The following DDX60L variants were observed in gnomAD, a reference collection of about 807,000 sequenced individuals.
DDX60L encodes DExD/H-box 60 like.
In DDX60L, 191 loss-of-function variants were observed where a neutral mutation model predicts 211.6. The ratio of observed to expected loss-of-function variants is 0.90; its 90% CI spans 0.80 to 1.02. The LOEUF (loss-of-function observed/expected upper bound fraction) is 1.02. Among genes scored for constraint, DDX60L ranks in the 50% least tolerant of loss-of-function variants. The pLI, the probability that DDX60L is intolerant of heterozygous loss-of-function variation, is 0.00. For synonymous variants in DDX60L, 706 were observed against 694.1 expected, an observed-to-expected ratio of 1.02 and a Z score of -0.27; for missense variants, 2,007 against 1,984.1, an observed-to-expected ratio of 1.01 and a Z score of -0.22.
intron 4 of DDX60L, chr4:168,469,862 A>C (rs1758511271): frequency 6.6e-6 from 1 of 152,210 alleles, no homozygotes. Context: ...TACGTGACAG[A>C]GCGAGACTCT....
At position 168,436,291 on chromosome 4, in the gene DDX60L, G is replaced by A. The variant is rs114338826; in HGVS notation, c.1295-3176C>T. Among the ~76,000 whole-genome samples the A allele has an allele frequency of 5.8e-3, 876 of 152,290 alleles. 13 individuals carry two copies. The highest frequency in any genetic ancestry group is 0.02 in the African/African-American group (824 of 41,560). ...TCTTACTGGAATAGACAGTTACTCT[G>A]GATATAGTTACCTTCCCTGCATGCA... On this transcript the variant is annotated intron_variant, in intron 10 of 37. Transcript: ENST00000682922.
intron 5 of DDX60L, 149 bp from the exon 6 acceptor site, chr4:168,458,157 T>C: frequency 2.0e-6 from 1 of 504,214 alleles, no homozygotes; most frequent in Non-Finnish European, 3.5e-6. Flanking sequence ...AGAAACAACA[T>C]ATGCTGGCGA....
At chr4:168,380,399 G>C (rs1460339736) in intron 30 of DDX60L, 3 of 152,356 alleles carry the variant, frequency 2.0e-5, no homozygotes, top group African/African-American at 7.2e-5. Context: ...GTTATCATGA[G>C]ATCTGGTTGT....
At chr4:168,390,971 A>T (rs539978595) in intron 29 of DDX60L, among the ~76,000 whole-genome samples, 190 of 91,488 alleles carry the variant, frequency 2.1e-3, no homozygotes, top group Middle Eastern at 7.9e-3. Flanking sequence ...AAACCTTTTT[A>T]AAAAAAAAGC....
At chr4:168,439,390 G>A (rs1472788750) in intron 10 of DDX60L, among the ~76,000 whole-genome samples, 2 of 151,902 alleles carry the variant, frequency 1.3e-5, no homozygotes, top group East Asian at 1.9e-4. Flanking sequence ...CCCTGAGGTA[G>A]AACAAATTCC....
intron 17 of DDX60L, 146 bp downstream of exon 17, chr4:168,421,614 C>G (rs1750633005): frequency 9.4e-7 from 1 of 1,066,948 alleles, no homozygotes. Context: ...GAGATCGCGC[C>G]ACTGCACTCC....
intron 36 of DDX60L, among the ~76,000 whole-genome samples, chr4:168,367,093 CAAG>C (rs1310527904): frequency 1.3e-5 from 2 of 152,084 alleles, no homozygotes; most frequent in East Asian, 3.9e-4. Context: ...TACACATGCA[CAAG>C]AATGAGACTA....
At chr4:168,402,059 C>T (rs1388004614) in intron 25 of DDX60L, among the ~76,000 whole-genome samples, 3 of 150,768 alleles carry the variant, frequency 2.0e-5, no homozygotes, top group Non-Finnish European at 4.4e-5. Flanking sequence ...TCTTCAAGGT[C>T]ACATAGCCTA....
At chr4:168,440,953 T>C (rs1246920417) in intron 10 of DDX60L, among the ~76,000 whole-genome samples, 1 of 152,054 alleles carries the variant, frequency 6.6e-6, no homozygotes, top group East Asian at 1.9e-4. Context: ...ATATACACTA[T>C]ATGACTCCAT....
At chr4:168,438,837 A>C (rs1372329129) in intron 10 of DDX60L, among the ~76,000 whole-genome samples, 1 of 152,232 alleles carries the variant, frequency 6.6e-6, no homozygotes, top group African/African-American at 2.4e-5. Flanking sequence ...TGAGGACTCT[A>C]ATAGTTAGGG....
rs964147549 is a variant in DDX60L, at chr4:168,358,020, T to A, written c.*127A>T. 4 of 786,602 alleles carry A rather than the reference T, an allele frequency of 5.1e-6. No homozygotes were observed. The highest frequency in any genetic ancestry group is 8.1e-6 in the Non-Finnish European group (4 of 491,102). 48.7% of individuals were successfully genotyped at this position (786,602 alleles called of 1,614,324 possible). A position where few individuals can be genotyped will look rare whatever the true frequency, so the allele number is the denominator to read the frequency against. On this transcript the variant is annotated 3_prime_UTR_variant, in exon 38 of 38. Transcript: ENST00000682922. ...TTCAGTTAGAAAATAGCAGAGCTGA[T>A]ATCTGAGTTTAATTCTGTTTGACTC...
chr4:168,422,405 T>C (rs538452249), intron 16 of DDX60L, 119 bp downstream of exon 16: 4 of 929,626 alleles, frequency 4.3e-6, no homozygotes, highest in African/African-American at 1.7e-5. Context: ...CCAGGCACAG[T>C]AGAGGAAAGA....
intron 26 of DDX60L, among the ~76,000 whole-genome samples, chr4:168,396,722 G>A (rs1279390074): frequency 1.3e-5 from 2 of 151,406 alleles, no homozygotes; most frequent in East Asian, 3.9e-4. Context: ...ATCAGTCACC[G>A]AGAAGACCTG....
chr4:168,396,312 C>G (rs976379191), intron 26 of DDX60L, among the ~76,000 whole-genome samples, 188 bp from the exon 27 acceptor site: 3 of 152,098 alleles, frequency 2.0e-5, no homozygotes, highest in Non-Finnish European at 2.9e-5. Flanking sequence ...GTCCCCTCAT[C>G]AGCAAAATCC....
At position 168,361,149 on chromosome 4, in the gene DDX60L, C is replaced by CAGCA. The variant is rs1739045352; in HGVS notation, c.4990_4991insTGCT (p.Ser1664MetfsTer3). ...AAATCAAACTCAGCATGAAACATAC[C>CAGCA]TGATAGCCTGAATGTTGAATGCAAA... On this transcript the variant is annotated frameshift_variant and splice_region_variant, in exon 37 of 38. Transcript: ENST00000682922. LOFTEE classifies it low-confidence loss of function (END_TRUNC). 3 of 1,602,140 alleles carry CAGCA rather than the reference C, an allele frequency of 1.9e-6. No individual in the cohort carries two copies. The highest frequency in any genetic ancestry group is 2.6e-6 in the Non-Finnish European group (3 of 1,171,584).
chr4:168,422,457 A>C, intron 16 of DDX60L, 67 bp downstream of exon 16: 5 of 1,479,596 alleles, frequency 3.4e-6, no homozygotes, highest in Non-Finnish European at 4.6e-6. Context: ...TTTGACATGT[A>C]GAGACACAGT....
chr4:168,435,542 G>A lies in DDX60L; in HGVS notation c.1295-2427C>T, dbSNP rs1373336708. Among the ~76,000 whole-genome samples the A allele has an allele frequency of 2.0e-5, 3 of 152,150 alleles. No homozygotes were observed. The South Asian group carries it at 6.2e-4, about 32-fold the overall frequency. ...CTCCAACTGCAGCTGCTGTTCCAGA[G>A]GTGGTTTCATTGTTTGAGCAAAATA... On this transcript the variant is annotated intron_variant, in intron 10 of 37. Transcript: ENST00000682922.
At chr4:168,387,894 G>A (rs1744173365) in intron 29 of DDX60L, among the ~76,000 whole-genome samples, 1 of 152,174 alleles carries the variant, frequency 6.6e-6, no homozygotes, top group Non-Finnish European at 1.5e-5. Flanking sequence ...CCATTCTGGA[G>A]ACAGTGAAGG....
intron 19 of DDX60L, among the ~76,000 whole-genome samples, chr4:168,418,224 T>C (rs915596389): frequency 2.6e-5 from 4 of 152,146 alleles, no homozygotes; most frequent in Non-Finnish European, 1.5e-5. Context: ...CATGCCACCA[T>C]GCCTGGATAG....
Sources: gnomAD v4.1 joint callset for allele counts (sites outside exome capture counted in the v4.1 genomes callset) on GRCh38, gnomAD v4.1.1 for gene constraint, MANE v1.5 for transcripts, NCBI Gene and HGNC (gene_info 2026-07-23, HGNC 2026-07-21) for gene names.